FASTKD3: variants seen among roughly 807,000 people sequenced by gnomAD.
FASTKD3 encodes FAST kinase domain-containing protein 3, mitochondrial.
FASTKD3 carries 47 observed loss-of-function variants against 49.7 expected under a neutral mutation model. The ratio of observed to expected loss-of-function variants is 0.95; its 90% confidence interval spans 0.75 to 1.21. The LOEUF is 1.21. Ranked by LOEUF, FASTKD3 falls within the 50% of genes most tolerant of loss-of-function variation. The pLI is 0.00. For synonymous variants in FASTKD3, 284 were observed against 288.6 expected, an observed-to-expected ratio of 0.98 and a Z score of 0.16; for missense variants, 748 against 765.7, an observed-to-expected ratio of 0.98 and a Z score of 0.27.
At position 7,866,739 on chromosome 5, in the gene FASTKD3, A is replaced by G. The variant is rs774955689; in HGVS notation, c.1345T>C (p.Leu449=). The G allele has an allele frequency of 4.3e-6, 7 of 1,614,056 alleles. No individual in the cohort carries two copies. In the East Asian group the frequency reaches 1.6e-4, roughly 36 times the overall value. The change falls in exon 2 of 7, where the codon TTG becomes CTG. Residue 449 remains leucine, a synonymous_variant. Transcript: ENST00000264669. ...HFNYFPPKSL[L]KLLHSCSLNE... The stretch of plus-strand genomic sequence containing the variant: ...AGTGAACATGAATGAAGAAGTTTCA[A>G]TAATGATTTGGGTGGAAAATAATTG...
chr5:7,868,020 G>A lies in FASTKD3; in HGVS notation c.64C>T (p.Leu22=), dbSNP rs1417389744. 1.2e-6 allele frequency: 2 copies of A among 1,613,812 alleles called. No homozygotes were observed. Among genetic ancestry groups the A allele is most frequent in the African/African-American group, 2.7e-5 (2 of 74,912 alleles). Reference sequence around the variant, plus strand: ...AGAGGTTTATTTTTTAAAGCAGCCAGAGCTCTATGCATCTGAAAATCAGAT... The same window carrying A: ...AGAGGTTTATTTTTTAAAGCAGCCAAAGCTCTATGCATCTGAAAATCAGAT... ...RLSDFQMHRA[L]AALKNKPLNH... Residue 22 remains leucine (L), a synonymous_variant, in exon 2 of 7, where the codon CTG becomes TTG. Transcript: ENST00000264669.
chr5:7,861,438 G>T, intron 5 of FASTKD3, 145 bp downstream of exon 5: 1 of 629,920 alleles, frequency 1.6e-6, no homozygotes, highest in Non-Finnish European at 2.5e-6. Flanking sequence ...AATATTACAA[G>T]GAATTTCCCA....
chr5:7,865,875 C>G (rs1229519436), intron 3 of FASTKD3, 23 bp downstream of exon 3: 1 of 1,577,770 alleles, frequency 6.3e-7, no homozygotes, highest in Non-Finnish European at 8.7e-7. Context: ...GGAAATAAAG[C>G]CACATATAGT....
At chr5:7,861,730 T>C in intron 4 of FASTKD3, 78 bp from the exon 5 acceptor site, 1 of 1,542,270 alleles carries the variant, frequency 6.5e-7, no homozygotes, top group Non-Finnish European at 8.7e-7. Context: ...TCCTTTGCTT[T>C]GCTTTGATTC....
chr5:7,860,416 A>AT (rs1431877777), intron 6 of FASTKD3, among the ~76,000 whole-genome samples: 1 of 152,190 alleles, frequency 6.6e-6, no homozygotes, highest in Non-Finnish European at 1.5e-5. Flanking sequence ...TATCTTGTTC[A>AT]TTTTTATTTA....
At chr5:7,865,400 A>G (rs1746871426) in intron 3 of FASTKD3, among the ~76,000 whole-genome samples, 1 of 152,198 alleles carries the variant, frequency 6.6e-6, no homozygotes, top group Non-Finnish European at 1.5e-5. Flanking sequence ...GATTCTACAT[A>G]AGGAATGTGA....
chr5:7,861,440 A>T, intron 5 of FASTKD3, 143 bp downstream of exon 5: 1 of 638,668 alleles, frequency 1.6e-6, no homozygotes, highest in African/African-American at 1.9e-5. Context: ...TATTACAAGG[A>T]ATTTCCCAAC....
Position 7,861,224 on chromosome 5 carries a change from G to A in FASTKD3, c.1809C>T (p.Ser603=), listed in dbSNP as rs1561092691. The part of the protein sequence containing the change: ...LCIDGPKRFC[S]NSKHLLGKEA... ...CTTTCCCCAGTAAGTGTTTGCTATT[G>A]GAGCAAAACCTTTTTGGACCATCAA... Residue 603 remains serine (S), a synonymous_variant, in exon 6 of 7, where the codon TCC becomes TCT. Coordinates refer to ENST00000264669, the MANE Select transcript of FASTKD3 (RefSeq NM_024091.4). 6.2e-7 allele frequency: 1 copy of A among 1,611,852 alleles called. No homozygotes were observed. The highest frequency in any genetic ancestry group is 8.5e-7 in the Non-Finnish European group (1 of 1,178,474).
chr5:7,863,745 C>T lies in FASTKD3; in HGVS notation c.1525-748G>A, dbSNP rs138993878. Among the ~76,000 whole-genome samples, 332 of 152,288 alleles carry T rather than the reference C, an allele frequency of 2.2e-3. 2 individuals are homozygous for T. Among genetic ancestry groups the T allele is most frequent in the Non-Finnish European group, 2.8e-3 (193 of 68,026 alleles). ...TAAATTAAACTTCTGTCATCCATGA[C>T]AGATGCTAATAAATTCCAGGTGTAC... On this transcript the variant is annotated intron_variant, in intron 3 of 6. Coordinates refer to ENST00000264669, the MANE Select transcript of FASTKD3 (RefSeq NM_024091.4).
chr5:7,867,533 G>A lies in FASTKD3; in HGVS notation c.551C>T (p.Ala184Val), dbSNP rs1047724626. The A allele has an allele frequency of 6.2e-7, 1 of 1,614,236 alleles. No homozygotes were observed. Among genetic ancestry groups the A allele is most frequent in the Admixed American group, 1.7e-5 (1 of 60,034 alleles). ...AGGATCCACATGCAACAGAATCAGA[G>A]CTTGCAAAGCAGTCACTAAACTAGT... ...SNTSLVTALQ[A>V]LILLHVDPQS... Residue 184 changes from alanine to valine, a missense_variant, in exon 2 of 7, where the codon GCT (alanine) becomes GTT (valine). By Grantham distance (64) the Ala-to-Val change is moderately conservative. Coordinates refer to ENST00000264669, the MANE Select transcript of FASTKD3 (RefSeq NM_024091.4).
At position 7,861,660 on chromosome 5, in the gene FASTKD3, G is replaced by C. The variant is rs1164250857; in HGVS notation, c.1700-8C>G. ...CTAATTTAATTTCAACATCTGGTGA[G>C]AGAAGAAAGGAAAAATTCCTCGTGT... On this transcript the variant is annotated splice_region_variant and splice_polypyrimidine_tract_variant and intron_variant, in intron 4 of 6. Coordinates refer to ENST00000264669, the MANE Select transcript of FASTKD3 (RefSeq NM_024091.4). The C allele has an allele frequency of 2.5e-6, 4 of 1,606,578 alleles. No individual in the cohort carries two copies.
At position 7,867,640 on chromosome 5, in the gene FASTKD3, C is replaced by T. The variant is rs1471882902; in HGVS notation, c.444G>A (p.Gly148=). Residue 148 remains glycine, a synonymous_variant, in exon 2 of 7, where the codon GGG becomes GGA. Transcript: ENST00000264669. ...TATTCTCCAGTATTTCTTTTGGCAG[C>T]CCTTGATCACCATCCTTTTTTTCCA... ...CEVEKKDGDQ[G]LPKEILENSI... 5 of 1,614,112 alleles carry T rather than the reference C, an allele frequency of 3.1e-6. No homozygotes were observed. Among genetic ancestry groups the T allele is most frequent in the Non-Finnish European group, 2.5e-6 (3 of 1,180,054 alleles).
chr5:7,867,366 T>C lies in FASTKD3; in HGVS notation c.718A>G (p.Ile240Val), dbSNP rs1747050322. The change falls in exon 2 of 7, where the codon ATA becomes GTA. Residue 240 changes from isoleucine (I) to valine (V), a missense_variant. Physicochemically the swap from Ile to Val is conservative, Grantham distance 29. Around this residue, in one of 3 missense-constraint regions of FASTKD3, gnomAD observed 564 missense variants for 562.8 expected, o/e 1.00. Coordinates refer to ENST00000264669, the MANE Select transcript of FASTKD3 (RefSeq NM_024091.4). Reference protein sequence around the residue: ...SSGCVTLELIINQLQGEKLET... With the variant: ...SSGCVTLELIVNQLQGEKLET... The stretch of plus-strand genomic sequence containing the variant: ...AATTTTTCACCTTGAAGTTGATTTA[T>C]AATGAGTTCTAGTGTCACACAACCT... The C allele has an allele frequency of 1.3e-6, 2 of 1,560,710 alleles. No individual in the cohort carries two copies.
intron 3 of FASTKD3, among the ~76,000 whole-genome samples, chr5:7,864,646 T>G (rs1239102594): frequency 6.6e-6 from 1 of 152,190 alleles, no homozygotes; most frequent in Non-Finnish European, 1.5e-5. Context: ...ATGCTAAACT[T>G]CATTAATGCT....
At chr5:7,861,325 T>C (rs1746515264) in intron 5 of FASTKD3, 62 bp from the exon 6 acceptor site, 1 of 971,076 alleles carries the variant, frequency 1.0e-6, no homozygotes, top group Non-Finnish European at 1.5e-6. Context: ...ATTTATTATA[T>C]ATTTTAGTTG....
In FASTKD3 at chr5:7,867,834, C is replaced by T. The variant is rs1456299954; in HGVS notation, c.250G>A (p.Val84Ile). The stretch of plus-strand genomic sequence containing the variant: ...TGTTCAAGCCTGTCGCAGTCAGATA[C>T]TTGAGAGAACACTGGTCCACCGAGT... ...HPLGGPVFSQ[V>I]SDCDRLEQNV... Residue 84 changes from valine to isoleucine, a missense_variant, in exon 2 of 7, where the codon GTA becomes ATA. By Grantham distance (29) the Val-to-Ile change is conservative. Transcript: ENST00000264669. 6.2e-7 allele frequency: 1 copy of T among 1,614,186 alleles called. No homozygotes were observed. The highest frequency in any genetic ancestry group is 1.7e-5 in the Admixed American group (1 of 60,022).
At chr5:7,859,859 T>C (rs1746404307) in intron 6 of FASTKD3, among the ~76,000 whole-genome samples, 2 of 152,184 alleles carry the variant, frequency 1.3e-5, no homozygotes, top group Admixed American at 6.5e-5. Flanking sequence ...AAACAAGCTG[T>C]AGGTTGGTGA....
At chr5:7,860,982 G>T (rs41282639) in intron 6 of FASTKD3, among the ~76,000 whole-genome samples, 167 bp downstream of exon 6, 2 of 152,032 alleles carry the variant, frequency 1.3e-5, no homozygotes, top group African/African-American at 4.8e-5. Context: ...TCCCTCTTGG[G>T]TTCCCAAGCC....
At chr5:7,868,647 GAAGGA>G in intron 1 of FASTKD3, among the ~76,000 whole-genome samples, 2 of 152,258 alleles carry the variant, frequency 1.3e-5, no homozygotes, top group South Asian at 4.1e-4. Flanking sequence ...GGTTAGTGTT[GAAGGA>G]AAGGGTCTAC....
Sources: gnomAD v4.1 joint callset for allele counts (sites outside exome capture counted in the v4.1 genomes callset) on GRCh38, gnomAD v4.1.1 for gene constraint, gnomAD v4.1.1 regional missense constraint, MANE v1.5 for transcripts, NCBI Gene and HGNC (gene_info 2026-07-23, HGNC 2026-07-21) for gene names.